Variants in EPB41L4A observed in about 807,000 individuals in gnomAD.
EPB41L4A encodes band 4.1-like protein 4A.
A neutral mutation model predicts 108.6 loss-of-function variants in EPB41L4A; 100 were observed. That is an observed-to-expected ratio of 0.92 (90% CI 0.78 to 1.09). The LOEUF (loss-of-function observed/expected upper bound fraction) is 1.09. Among genes scored for constraint, EPB41L4A ranks in the 50% least tolerant of loss-of-function variants. The pLI is 0.00. For missense variants in EPB41L4A, 1,030 were observed against 842.7 expected, an observed-to-expected ratio of 1.22 and a Z score of -2.75; for synonymous variants, 319 against 289.0, an observed-to-expected ratio of 1.10 and a Z score of -1.05.
At chr5:112,176,509 G>A (rs1212909096) in intron 18 of EPB41L4A, among the ~76,000 whole-genome samples, 1 of 151,920 alleles carries the variant, frequency 6.6e-6, no homozygotes, top group Non-Finnish European at 1.5e-5. Flanking sequence ...AGTAAAACAC[G>A]ATGCTACCCA....
At chr5:112,188,201 C>T (rs1330191222) in intron 17 of EPB41L4A, among the ~76,000 whole-genome samples, 1 of 151,996 alleles carries the variant, frequency 6.6e-6, no homozygotes, top group Non-Finnish European at 1.5e-5. Flanking sequence ...TTTTGGATCA[C>T]CTGCTATAAA....
At chr5:112,364,245 C>A (rs563468049) in intron 1 of EPB41L4A, among the ~76,000 whole-genome samples, 48 of 152,254 alleles carry the variant, frequency 3.2e-4, no homozygotes, top group African/African-American at 1.0e-3. Context: ...AGGCTGGTCT[C>A]GAACTCCTGA....
chr5:112,239,290 T>C (rs1299833427), intron 11 of EPB41L4A, among the ~76,000 whole-genome samples: 1 of 152,230 alleles, frequency 6.6e-6, no homozygotes, highest in East Asian at 1.9e-4. Context: ...ATAGATTGTA[T>C]TAAAATAGGG....
chr5:112,145,577 T>C (rs751911037), intron 13 of EPB41L4A, among the ~76,000 whole-genome samples: 4 of 152,226 alleles, frequency 2.6e-5, no homozygotes, highest in Non-Finnish European at 5.9e-5. Flanking sequence ...TTATCCTGTA[T>C]ACATGCTATT....
intron 1 of EPB41L4A, among the ~76,000 whole-genome samples, chr5:112,401,149 T>C (rs1335510734): frequency 1.3e-5 from 2 of 152,148 alleles, no homozygotes; most frequent in East Asian, 1.9e-4. Flanking sequence ...CCCCTATCTA[T>C]GAGAGGAAAT....
chr5:112,329,490 G>A (rs1160123125), intron 1 of EPB41L4A, among the ~76,000 whole-genome samples: 2 of 152,094 alleles, frequency 1.3e-5, no homozygotes, highest in African/African-American at 4.8e-5. Flanking sequence ...GGGTGACCTG[G>A]AACTGCCACT....
chr5:112,232,843 C>A lies in EPB41L4A; in HGVS notation c.1087+1791G>T, dbSNP rs149736317. 8.7e-4 allele frequency among the ~76,000 whole-genome samples: 133 copies of A among 152,298 alleles called. No homozygotes were observed. The East Asian group carries it at 0.021, about 24-fold the overall frequency. ...AAAATGGTATGTACTCTTTCCCTTG[C>A]CCCACCTCACAGGGTGAGGCTCAAA... is the stretch of plus-strand genomic sequence containing the variant. On this transcript the variant is annotated intron_variant, in intron 12 of 22. Transcript: ENST00000261486.
At chr5:112,169,300 G>A (rs1760439050) in intron 20 of EPB41L4A, among the ~76,000 whole-genome samples, 195 bp from the exon 21 acceptor site, 1 of 152,086 alleles carries the variant, frequency 6.6e-6, no homozygotes, top group Non-Finnish European at 1.5e-5. Flanking sequence ...TGAAAATGAA[G>A]CTCTTTAAAG....
intron 1 of EPB41L4A, among the ~76,000 whole-genome samples, chr5:112,319,053 C>T (rs1755599692): frequency 6.6e-6 from 1 of 152,174 alleles, no homozygotes; most frequent in South Asian, 2.1e-4. Context: ...CTGGTACCCA[C>T]ATCTTTGGTT....
At chr5:112,352,018 A>G (rs989097910) in intron 1 of EPB41L4A, among the ~76,000 whole-genome samples, 13 of 152,224 alleles carry the variant, frequency 8.5e-5, no homozygotes, top group Admixed American at 5.9e-4. Flanking sequence ...ACGGCCATGT[A>G]TGACAGACCC....
chr5:112,370,076 C>A (rs1580776000), intron 1 of EPB41L4A, among the ~76,000 whole-genome samples: 2 of 151,674 alleles, frequency 1.3e-5, no homozygotes, highest in African/African-American at 4.9e-5. Context: ...CCGGGCTAAA[C>A]TGCAGTGGCA....
intron 1 of EPB41L4A, among the ~76,000 whole-genome samples, chr5:112,402,467 G>A (rs1761827835): frequency 6.6e-6 from 1 of 152,016 alleles, no homozygotes; most frequent in African/African-American, 2.4e-5. Context: ...ACATGACTTT[G>A]GTCAACTCAC....
intron 15 of EPB41L4A, 96 bp downstream of exon 15, chr5:112,204,279 A>G: frequency 1.4e-6 from 1 of 721,244 alleles, no homozygotes; most frequent in South Asian, 2.0e-5. Flanking sequence ...GGAGAGAAAC[A>G]GTAATGTCGG....
chr5:112,402,573 C>CA (rs1461065338), intron 1 of EPB41L4A, among the ~76,000 whole-genome samples: 3 of 151,324 alleles, frequency 2.0e-5, no homozygotes, highest in Non-Finnish European at 4.4e-5. Flanking sequence ...GACCTTAAAA[C>CA]AAAAAAAAGA....
chr5:112,205,362 G>A (rs1580429104), intron 14 of EPB41L4A, 59 bp downstream of exon 14: 2 of 1,376,646 alleles, frequency 1.5e-6, no homozygotes, highest in East Asian at 4.6e-5. Context: ...TATTCAATGA[G>A]CTGCATGTAC....
At chr5:112,170,419 C>T (rs760046322) in intron 19 of EPB41L4A, 50 bp from the exon 20 acceptor site, 3 of 1,207,606 alleles carry the variant, frequency 2.5e-6, no homozygotes, top group Non-Finnish European at 3.6e-6. Context: ...GGTATAAATG[C>T]TAGTATCTTT....
intron 1 of EPB41L4A, among the ~76,000 whole-genome samples, chr5:112,354,509 G>A (rs1004154814): frequency 2.6e-5 from 4 of 152,162 alleles, no homozygotes; most frequent in African/African-American, 9.7e-5. Flanking sequence ...TAAGGAGAAA[G>A]TCAAAATTTA....
At chr5:112,398,559 T>G (rs1422826757) in intron 1 of EPB41L4A, among the ~76,000 whole-genome samples, 2 of 152,134 alleles carry the variant, frequency 1.3e-5, no homozygotes, top group Non-Finnish European at 1.5e-5. Flanking sequence ...CGCTAATTTT[T>G]TGTATTTTTA....
At chr5:112,346,852 T>C (rs1409741952) in intron 1 of EPB41L4A, among the ~76,000 whole-genome samples, 1 of 152,228 alleles carries the variant, frequency 6.6e-6, no homozygotes, top group Non-Finnish European at 1.5e-5. Flanking sequence ...CTCAAGCTTT[T>C]TGGGCAATGG....
Sources: gnomAD v4.1 joint callset for allele counts (sites outside exome capture counted in the v4.1 genomes callset) on GRCh38, gnomAD v4.1.1 for gene constraint, MANE v1.5 for transcripts, NCBI Gene and HGNC (gene_info 2026-07-23, HGNC 2026-07-21) for gene names.